The following FOXP1 variants were observed in gnomAD, a reference collection of about 807,000 sequenced individuals.
FOXP1 encodes the protein forkhead box P1.
A neutral mutation model predicts 98.2 loss-of-function variants in FOXP1; 15 were observed. The ratio of observed to expected loss-of-function variants is 0.15; its 90% confidence interval spans 0.10 to 0.24. The LOEUF (loss-of-function observed/expected upper bound fraction) is 0.24. Among genes scored for constraint, FOXP1 ranks in the 10% least tolerant of loss-of-function variants. The probability of loss-of-function intolerance (pLI) is 1.00; values close to 1 mark genes in which losing one functional copy is unlikely to be tolerated. For missense variants in FOXP1, 633 were observed against 848.5 expected (o/e 0.75, Z 3.15); for synonymous variants, 371 against 314.5 (o/e 1.18, Z -1.90).
At chr3:71,479,309 A>C (rs946912668) in intron 3 of FOXP1, among the ~76,000 whole-genome samples, 12 of 152,234 alleles carry the variant, frequency 7.9e-5, no homozygotes, top group African/African-American at 1.4e-4. Context: ...TCTCAGATTT[A>C]GAATTTAGGA....
intron 3 of FOXP1, among the ~76,000 whole-genome samples, chr3:71,479,104 G>A (rs540529630): frequency 2.0e-5 from 3 of 152,288 alleles, no homozygotes; most frequent in African/African-American, 4.8e-5. Context: ...TAACTTTTAC[G>A]TCACTTGCAC....
chr3:71,463,344 G>C (rs2088336703), intron 3 of FOXP1, among the ~76,000 whole-genome samples: 1 of 99,478 alleles, frequency 1.0e-5, no homozygotes. Context: ...GACACAGTAA[G>C]ACACTGTCTC....
At chr3:71,198,424 G>A (rs1560102838) in intron 5 of FOXP1, 32 bp from the exon 6 acceptor site, 1 of 494,626 alleles carries the variant, frequency 2.0e-6, no homozygotes, top group South Asian at 1.5e-5. Flanking sequence ...TGGGGGGAGG[G>A]AGGGGGGGAG....
At chr3:71,575,280 A>G (rs2047638590) in intron 2 of FOXP1, among the ~76,000 whole-genome samples, 1 of 152,226 alleles carries the variant, frequency 6.6e-6, no homozygotes, top group Non-Finnish European at 1.5e-5. Flanking sequence ...AGTAAAATCC[A>G]AGTGAAGATA....
chr3:71,478,495 T>C (rs924438879), intron 3 of FOXP1, among the ~76,000 whole-genome samples: 1 of 152,130 alleles, frequency 6.6e-6, no homozygotes, highest in Non-Finnish European at 1.5e-5. Flanking sequence ...ACCAACAAAA[T>C]ATGCTTAAAA....
At chr3:70,961,003 C>T (rs1473379498) in intron 20 of FOXP1, among the ~76,000 whole-genome samples, 1 of 151,964 alleles carries the variant, frequency 6.6e-6, no homozygotes, top group Non-Finnish European at 1.5e-5. Flanking sequence ...CCACCGCGCC[C>T]GGCTAAATTT....
chr3:71,383,267 TAGGGGA>T (rs2080313617), intron 3 of FOXP1, among the ~76,000 whole-genome samples: 1 of 152,174 alleles, frequency 6.6e-6, no homozygotes, highest in African/African-American at 2.4e-5. Context: ...CCTTAATTTC[TAGGGGA>T]AGGGGAAGAA....
At chr3:71,230,606 A>C (rs530768422) in intron 5 of FOXP1, among the ~76,000 whole-genome samples, 5 of 152,354 alleles carry the variant, frequency 3.3e-5, no homozygotes, top group African/African-American at 1.2e-4. Context: ...CGTAGCTAAA[A>C]ACCAACATCT....
intron 12 of FOXP1, among the ~76,000 whole-genome samples, chr3:71,014,559 A>T (rs924512578): frequency 6.6e-6 from 1 of 152,210 alleles, no homozygotes; most frequent in East Asian, 1.9e-4. Flanking sequence ...GTAAACTAGT[A>T]CAACCATTGT....
At chr3:71,365,519 T>A (rs1162867564) in intron 3 of FOXP1, among the ~76,000 whole-genome samples, 4 of 151,684 alleles carry the variant, frequency 2.6e-5, no homozygotes. Context: ...TAAGATAGTG[T>A]AGGTAACAGT....
intron 11 of FOXP1, among the ~76,000 whole-genome samples, chr3:71,036,473 A>T (rs927974746): frequency 6.6e-6 from 1 of 152,220 alleles, no homozygotes; most frequent in Non-Finnish European, 1.5e-5. Flanking sequence ...TGAATCCGAG[A>T]AATACTCGAG....
chr3:71,460,653 G>C (rs1358338371), intron 3 of FOXP1, among the ~76,000 whole-genome samples: 1 of 152,098 alleles, frequency 6.6e-6, no homozygotes, highest in East Asian at 1.9e-4. Flanking sequence ...TGCCCAGGCT[G>C]GTCATAAACT....
chr3:71,180,846 T>C (rs1013339237), intron 6 of FOXP1, among the ~76,000 whole-genome samples: 6 of 152,200 alleles, frequency 3.9e-5, no homozygotes, highest in Non-Finnish European at 7.3e-5. Flanking sequence ...GGAGGCAAAC[T>C]GTGTCCTTAA....
intron 3 of FOXP1, among the ~76,000 whole-genome samples, chr3:71,492,400 C>T (rs960690996): frequency 6.6e-6 from 1 of 150,872 alleles, no homozygotes; most frequent in Non-Finnish European, 1.5e-5. Flanking sequence ...TGCAGTGAGC[C>T]GAGATCGCGC....
At chr3:70,982,588 G>A (rs1053917174) in intron 14 of FOXP1, among the ~76,000 whole-genome samples, 4 of 152,054 alleles carry the variant, frequency 2.6e-5, no homozygotes, top group Non-Finnish European at 5.9e-5. Context: ...TAAAATTGCT[G>A]TAGGGTTTTA....
At chr3:71,519,130 C>T (rs1186287760) in intron 2 of FOXP1, among the ~76,000 whole-genome samples, 1 of 152,134 alleles carries the variant, frequency 6.6e-6, no homozygotes, top group East Asian at 1.9e-4. Flanking sequence ...CCTCTATTGC[C>T]AGCTACTCAG....
intron 6 of FOXP1, among the ~76,000 whole-genome samples, chr3:71,119,430 G>A (rs1274346426): frequency 1.3e-5 from 2 of 152,014 alleles, no homozygotes; most frequent in Non-Finnish European, 2.9e-5. Flanking sequence ...CACCCCTCAA[G>A]ATCAAACCTG....
At chr3:70,972,477 C>A in intron 18 of FOXP1, 78 bp downstream of exon 18, 2 of 1,591,096 alleles carry the variant, frequency 1.3e-6, no homozygotes, top group Non-Finnish European at 1.7e-6. Context: ...CTAACACCAT[C>A]TAGCAGCCAA....
At chr3:71,538,815 T>G (rs1237423502) in intron 2 of FOXP1, among the ~76,000 whole-genome samples, 3 of 152,228 alleles carry the variant, frequency 2.0e-5, no homozygotes, top group Non-Finnish European at 4.4e-5. Context: ...GTTTTCTATA[T>G]TTAGGTCTTA....
Sources: gnomAD v4.1 joint callset for allele counts (sites outside exome capture counted in the v4.1 genomes callset) on GRCh38, gnomAD v4.1.1 for gene constraint, MANE v1.5 for transcripts, NCBI Gene and HGNC (gene_info 2026-07-23, HGNC 2026-07-21) for gene names.